Variants in ATP13A4 observed in about 807,000 individuals in gnomAD.
ATP13A4 encodes probable cation-transporting ATPase 13A4.
In ATP13A4, 114 loss-of-function variants were observed where a neutral mutation model predicts 142.5. The ratio of observed to expected loss-of-function variants is 0.80; its 90% CI spans 0.69 to 0.93. The LOEUF (loss-of-function observed/expected upper bound fraction) is 0.93, where lower values mean the gene tolerates loss of function less well. Among genes scored for constraint, ATP13A4 ranks in the 40% least tolerant of loss-of-function variants. The probability of loss-of-function intolerance (pLI) is 0.00; values close to 1 mark genes in which losing one functional copy is unlikely to be tolerated. For synonymous variants in ATP13A4, 488 were observed against 514.8 expected (o/e 0.95, Z 0.70); for missense variants, 1,392 against 1,454.0 (o/e 0.96, Z 0.69).
chr3:193,559,414 G>C (rs766414799), upstream of ATP13A4, among the ~76,000 whole-genome samples: 1 of 152,140 alleles, frequency 6.6e-6, no homozygotes, highest in Non-Finnish European at 1.5e-5. Context: ...TAAAGTACTT[G>C]AGACCTTTAG....
chr3:193,503,847 T>C (rs192733722), intron 2 of ATP13A4, among the ~76,000 whole-genome samples: 74 of 152,224 alleles, frequency 4.9e-4, no homozygotes, highest in African/African-American at 1.7e-3. Context: ...CTCTGGGTGA[T>C]CTCTCCTCTA....
chr3:193,406,671 C>T lies in ATP13A4; in HGVS notation c.3378+642G>A, dbSNP rs772746740. Among the ~76,000 whole-genome samples, 5 of 152,194 alleles carry T rather than the reference C, an allele frequency of 3.3e-5. 1 individual carries two copies. The highest frequency in any genetic ancestry group is 4.1e-4 in the South Asian group (2 of 4,820). Reference sequence around the variant, plus strand: ...CAAATGGAAGCTGGAGAATGAAAGCCGGAAAAGCTCACTATGAATGTTATT... The same window carrying T: ...CAAATGGAAGCTGGAGAATGAAAGCTGGAAAAGCTCACTATGAATGTTATT... On this transcript the variant is annotated intron_variant, in intron 29 of 29. Transcript: ENST00000342695.
At chr3:193,592,628 G>A (rs1365473194) in intron 1 of ATP13A4, among the ~76,000 whole-genome samples, 1 of 152,142 alleles carries the variant, frequency 6.6e-6, no homozygotes, top group Non-Finnish European at 1.5e-5. Context: ...TCATTTTGAC[G>A]CCTTTTATAA....
chr3:193,465,253 T>A (rs767755864), intron 11 of ATP13A4, 125 bp from the exon 12 acceptor site: 7 of 968,350 alleles, frequency 7.2e-6, no homozygotes, highest in Non-Finnish European at 1.1e-5. Flanking sequence ...AGTGGTGTGA[T>A]CTCAGCTCAT....
intron 1 of ATP13A4, chr3:193,553,651 T>G (rs1433902437): frequency 6.6e-6 from 1 of 152,200 alleles, no homozygotes; most frequent in Non-Finnish European, 1.5e-5. Flanking sequence ...GTAAAGGATA[T>G]GGTTAAGAAA....
intron 7 of ATP13A4, among the ~76,000 whole-genome samples, chr3:193,485,706 G>A (rs1234503300): frequency 1.3e-5 from 2 of 152,016 alleles, no homozygotes; most frequent in Non-Finnish European, 2.9e-5. Flanking sequence ...TAGGAGAAGG[G>A]GCCTTTGAAA....
At chr3:193,531,911 C>T (rs989278856) in intron 1 of ATP13A4, among the ~76,000 whole-genome samples, 9 of 152,170 alleles carry the variant, frequency 5.9e-5, no homozygotes, top group African/African-American at 2.2e-4. Context: ...AACAGCTTTA[C>T]CCACTAGGTA....
At chr3:193,511,266 T>C (rs1363544530) in intron 2 of ATP13A4, among the ~76,000 whole-genome samples, 6 of 152,184 alleles carry the variant, frequency 3.9e-5, no homozygotes, top group Non-Finnish European at 8.8e-5. Flanking sequence ...CTGTCAAGGA[T>C]GCAAAGAAAG....
Position 193,442,460 on chromosome 3 carries a change from C to G in ATP13A4, c.2249G>C (p.Gly750Ala), listed in dbSNP as rs754849706. The G allele has an allele frequency of 3.1e-6, 5 of 1,613,954 alleles. 1 individual carries two copies. In the South Asian group the frequency reaches 4.4e-5, roughly 14 times the overall value. The change falls in exon 19 of 30, where the codon GGG becomes GCG. Residue 750 changes from glycine to alanine, a missense_variant. Gly to Ala is a moderately conservative substitution (Grantham distance 60). Coordinates refer to ENST00000342695, the MANE Select transcript of ATP13A4 (RefSeq NM_032279.4). ...VILIEANETTGSSSASISWTL... is the reference protein window; with the variant it reads ...VILIEANETTASSSASISWTL... ...CCAAGATATAGATGCTGATGAGGAC[C>G]CGGTGGTTTCATTTGCCTCAATGAG...
chr3:193,563,020 A>G (rs1724052128), intron 2 of ATP13A4, among the ~76,000 whole-genome samples: 1 of 152,216 alleles, frequency 6.6e-6, no homozygotes, highest in Admixed American at 6.5e-5. Flanking sequence ...TTACTCCATG[A>G]TACGGTATTG....
intron 12 of ATP13A4, among the ~76,000 whole-genome samples, chr3:193,463,377 C>T (rs1718072177): frequency 6.7e-6 from 1 of 148,800 alleles, no homozygotes; most frequent in Admixed American, 6.7e-5. Flanking sequence ...AAATTTTTAC[C>T]TGCAGGGCAC....
chr3:193,564,359 T>C (rs1724087454), intron 2 of ATP13A4, among the ~76,000 whole-genome samples: 1 of 152,262 alleles, frequency 6.6e-6, no homozygotes, highest in Admixed American at 6.5e-5. Flanking sequence ...AACTGTGTCC[T>C]ATGAAATGCA....
intron 2 of ATP13A4, among the ~76,000 whole-genome samples, chr3:193,512,862 G>A (rs1444455155): frequency 6.6e-6 from 1 of 152,172 alleles, no homozygotes; most frequent in African/African-American, 2.4e-5. Context: ...ATCAAATGAA[G>A]AAGTCTTATG....
intron 25 of ATP13A4, among the ~76,000 whole-genome samples, chr3:193,419,835 C>T (rs1338230289): frequency 6.7e-6 from 1 of 150,046 alleles, no homozygotes; most frequent in Non-Finnish European, 1.5e-5. Flanking sequence ...TGTGCTGCTC[C>T]CTGTCCCCCA....
At chr3:193,424,783 A>G (rs1330458588) in intron 25 of ATP13A4, among the ~76,000 whole-genome samples, 1 of 149,700 alleles carries the variant, frequency 6.7e-6, no homozygotes, top group East Asian at 2.1e-4. Context: ...TTTTGCTAAA[A>G]CCCTAAAAGC....
chr3:193,453,171 G>T (rs767629234), intron 17 of ATP13A4, among the ~76,000 whole-genome samples: 1 of 152,124 alleles, frequency 6.6e-6, no homozygotes, highest in Non-Finnish European at 1.5e-5. Context: ...TCACCTGTGT[G>T]AAACATTATA....
chr3:193,478,750 C>T (rs2108654552), intron 8 of ATP13A4, among the ~76,000 whole-genome samples: 1 of 152,062 alleles, frequency 6.6e-6, no homozygotes, highest in East Asian at 1.9e-4. Flanking sequence ...AAGAGGAAAT[C>T]CTCCCTAAAT....
At position 193,582,706 on chromosome 3, in the gene ATP13A4, AT is replaced by A. The variant is rs1724585809; in HGVS notation, n.92-801del. ...ATTATATATGTGTATAACATATATA[AT>A]ATATATGTATATTACATATATAAAA... On this transcript the variant is annotated intron_variant and non_coding_transcript_variant, in intron 1 of 3. Coordinates refer to the ATP13A4 transcript ENST00000489140. Among the ~76,000 whole-genome samples, 2 of 39,080 alleles carry A rather than the reference AT, an allele frequency of 5.1e-5. 1 individual carries two copies. Among genetic ancestry groups the A allele is most frequent in the East Asian group, 1.3e-3 (2 of 1,490 alleles). 25.6% of individuals were successfully genotyped at this position (39,080 alleles called of 152,430 possible).
intron 8 of ATP13A4, among the ~76,000 whole-genome samples, chr3:193,475,165 T>C (rs1034518102): frequency 6.6e-6 from 1 of 152,100 alleles, no homozygotes; most frequent in Non-Finnish European, 1.5e-5. Flanking sequence ...GTGCCGAAGA[T>C]ATACTGGCAA....
Sources: allele counts gnomAD v4.1 joint callset (sites outside exome capture counted in the v4.1 genomes callset), GRCh38; gene constraint gnomAD v4.1.1; transcripts MANE v1.5; gene names NCBI Gene and HGNC (gene_info 2026-07-23, HGNC 2026-07-21).